The following SRA1 variants were observed in gnomAD, a reference collection of about 807,000 sequenced individuals.
The protein encoded by SRA1 is lncRNA SRA.
In SRA1, 25 loss-of-function variants were observed where a neutral mutation model predicts 24.3. That is an observed-to-expected ratio of 1.03 (90% CI 0.75 to 1.43). The LOEUF (loss-of-function observed/expected upper bound fraction) is 1.43. SRA1 is among the 40% of genes most tolerant of loss of function. SRA1 has a pLI of 0.00. For synonymous variants in SRA1, 104 were observed against 109.5 expected, an observed-to-expected ratio of 0.95 and a Z score of 0.31; for missense variants, 303 against 286.6, an observed-to-expected ratio of 1.06 and a Z score of -0.41.
chr5:140,551,444 CCTA>C (rs1754559225), intron 3 of SRA1: 1 of 367,748 alleles, frequency 2.7e-6, no homozygotes. Context: ...TAACCCACCT[CCTA>C]CTATGACTAG....
At chr5:140,551,480 C>G (rs1449756430) in intron 3 of SRA1, 1 of 297,014 alleles carries the variant, frequency 3.4e-6, no homozygotes, top group African/African-American at 2.1e-5. Context: ...TCAGGGGCTT[C>G]TCAGACTCTC....
At position 140,557,439 on chromosome 5, in the gene SRA1, T is replaced by C. The variant is rs370969013; in HGVS notation, c.14A>G (p.Tyr5Cys). Reference sequence around the variant, plus strand: ...CCGGCTGCGCTCACCCGGCTTCACGTACAGCTCCGCCATCTCCACTTCCGC... The same window carrying C: ...CCGGCTGCGCTCACCCGGCTTCACGCACAGCTCCGCCATCTCCACTTCCGC... MAELYVKPGNKERGW... is the reference protein window; with the variant it reads MAELCVKPGNKERGW... Residue 5 changes from tyrosine (Y) to cysteine (C), a missense_variant, in exon 1 of 5, where the codon TAC becomes TGC. Transcript: ENST00000336283. The C allele has an allele frequency of 7.7e-6, 12 of 1,565,760 alleles. No individual in the cohort carries two copies. The African/African-American group carries it at 1.5e-4, about 19-fold the overall frequency.
intron 2 of SRA1, among the ~76,000 whole-genome samples, chr5:140,556,233 G>C (rs1754690719): frequency 6.6e-6 from 1 of 152,066 alleles, no homozygotes; most frequent in Non-Finnish European, 1.5e-5. Flanking sequence ...CAGCAAAAAG[G>C]GTGTGGAGAA....
At chr5:140,551,868 C>T in intron 3 of SRA1, 114 bp downstream of exon 3, 1 of 908,778 alleles carries the variant, frequency 1.1e-6, no homozygotes, top group Non-Finnish European at 1.7e-6. Context: ...GAGTCCGTAA[C>T]TCTCAAAGGA....
intron 2 of SRA1, among the ~76,000 whole-genome samples, chr5:140,556,077 T>G (rs1186028965): frequency 1.3e-5 from 2 of 152,262 alleles, no homozygotes; most frequent in African/African-American, 4.8e-5. Flanking sequence ...CTATCACAAC[T>G]GGGTGGATGC....
At chr5:140,556,310 G>T (rs1420848493) in intron 2 of SRA1, among the ~76,000 whole-genome samples, 2 of 152,092 alleles carry the variant, frequency 1.3e-5, no homozygotes, top group African/African-American at 4.8e-5. Context: ...CCATTTAATG[G>T]CTTGGAAAAT....
Position 140,557,136 on chromosome 5 carries a change from G to C in SRA1, c.151+11C>G. 1 of 1,555,012 alleles carries C rather than the reference G, an allele frequency of 6.4e-7. No homozygotes were observed. The highest frequency in any genetic ancestry group is 1.8e-5 in the Admixed American group (1 of 56,010). On this transcript the variant is annotated intron_variant, in intron 2 of 4. Coordinates refer to ENST00000336283, the MANE Select transcript of SRA1 (RefSeq NM_001035235.4). ...TCTCCGTCTGTCTCCGAGCACAGGG[G>C]CCCCACGCACCTCTGGGGGATCCAT...
rs1754551887 is a variant in SRA1 at position 140,551,227 on chromosome 5, G to A, written c.355-58C>T. ...CTGCCAGCCCAATGAGGGGAGGAGA[G>A]GGGAAGACAGCACCACATAGGAAGC... On this transcript the variant is annotated intron_variant, in intron 3 of 4. Transcript: ENST00000336283. 5 of 1,359,530 alleles carry A rather than the reference G, an allele frequency of 3.7e-6. No homozygotes were observed. In the South Asian group the frequency reaches 4.7e-5, roughly 13 times the overall value. The allele number at this position is 1,359,530 out of a possible 1,614,324, so 84.2% of individuals were successfully genotyped here. A position where few individuals can be genotyped will look rare whatever the true frequency, so the allele number is the denominator to read the frequency against.
In SRA1 at chr5:140,550,371, T is replaced by C. The variant is rs972385206; in HGVS notation, c.*329A>G. On this transcript the variant is annotated 3_prime_UTR_variant, in exon 5 of 5. Coordinates refer to ENST00000336283, the MANE Select transcript of SRA1 (RefSeq NM_001035235.4). ...AAAAGTGGTAGGCAGTAGTCTGACT[T>C]TACCCAGCAGATCCCTTCCTGATGA... 1.7e-5 allele frequency: 6 copies of C among 360,866 alleles called. No homozygotes were observed. Among genetic ancestry groups the C allele is most frequent in the Non-Finnish European group, 3.1e-5 (6 of 193,306 alleles). The allele number at this position is 360,866 out of a possible 1,614,324, so 22.4% of individuals were successfully genotyped here.
chr5:140,557,126 G>A, intron 2 of SRA1, 21 bp downstream of exon 2: 1 of 1,500,426 alleles, frequency 6.7e-7, no homozygotes, highest in Non-Finnish European at 9.0e-7. Flanking sequence ...GTCTGTCTCC[G>A]AGCACAGGGG....
In SRA1 at chr5:140,552,011, C is replaced by A; in HGVS notation, c.325G>T (p.Ala109Ser). The A allele has an allele frequency of 1.2e-6, 2 of 1,612,628 alleles. No individual in the cohort carries two copies. The highest frequency in any genetic ancestry group is 1.7e-6 in the Non-Finnish European group (2 of 1,179,524). Residue 109 changes from alanine (A) to serine (S), a missense_variant, in exon 3 of 5, where the codon GCA becomes TCA. Transcript: ENST00000336283. Reference sequence around the variant, plus strand: ...GTGTGGCCACGGCAGTCTTCCAATGCCTGTTCCAAAGGTCTCAGCACATCC... The same window carrying A: ...GTGTGGCCACGGCAGTCTTCCAATGACTGTTCCAAAGGTCTCAGCACATCC... The part of the protein sequence containing the change: ...MEDVLRPLEQ[A>S]LEDCRGHTRK...
At chr5:140,553,703 T>C (rs1226876124) in intron 2 of SRA1, among the ~76,000 whole-genome samples, 1 of 152,144 alleles carries the variant, frequency 6.6e-6, no homozygotes, top group Non-Finnish European at 1.5e-5. Context: ...TGTGAAAAAC[T>C]GATGAAAACA....
chr5:140,551,306 G>A, intron 3 of SRA1, 137 bp from the exon 4 acceptor site: 1 of 627,896 alleles, frequency 1.6e-6, no homozygotes, highest in South Asian at 2.0e-5. Flanking sequence ...CCAAAGATTA[G>A]AGGCCCCACT....
chr5:140,553,496 T>C (rs1488268797), intron 2 of SRA1, among the ~76,000 whole-genome samples: 1 of 152,152 alleles, frequency 6.6e-6, no homozygotes, highest in African/African-American at 2.4e-5. Context: ...CAAGAGACAG[T>C]AATGAGGCCT....
intron 2 of SRA1, among the ~76,000 whole-genome samples, chr5:140,554,097 C>T (rs544489341): frequency 6.6e-6 from 1 of 152,134 alleles, no homozygotes; most frequent in Non-Finnish European, 1.5e-5. Flanking sequence ...CACACTATCA[C>T]CTCCAAAATC....
chr5:140,557,454 T>A lies in SRA1; in HGVS notation c.-2A>T. On this transcript the variant is annotated 5_prime_UTR_variant, in exon 1 of 5. Coordinates refer to ENST00000336283, the MANE Select transcript of SRA1 (RefSeq NM_001035235.4). ...CGGCTTCACGTACAGCTCCGCCATC[T>A]CCACTTCCGCTTGGCCAGCGGGGCA... 6.4e-7 allele frequency: 1 copy of A among 1,559,372 alleles called. No individual in the cohort carries two copies. The highest frequency in any genetic ancestry group is 8.7e-7 in the Non-Finnish European group (1 of 1,153,318).
chr5:140,556,671 C>CTT (rs35384293), intron 2 of SRA1, among the ~76,000 whole-genome samples: 3 of 146,566 alleles, frequency 2.0e-5, no homozygotes, highest in African/African-American at 2.5e-5. Context: ...AAGCAGAGAT[C>CTT]TTTTTTTTTT....
At chr5:140,556,609 C>T (rs1754703237) in intron 2 of SRA1, among the ~76,000 whole-genome samples, 1 of 152,124 alleles carries the variant, frequency 6.6e-6, no homozygotes, top group Admixed American at 6.5e-5. Context: ...AGCACCCTCA[C>T]CACTATTTCA....
At chr5:140,551,951 C>T (rs779779593) in intron 3 of SRA1, 31 bp downstream of exon 3, 3 of 1,599,172 alleles carry the variant, frequency 1.9e-6, no homozygotes, top group South Asian at 1.1e-5. Context: ...GGATGGGAGC[C>T]CTCTCTAACC....
Sources: allele counts gnomAD v4.1 joint callset (sites outside exome capture counted in the v4.1 genomes callset), GRCh38; gene constraint gnomAD v4.1.1; transcripts MANE v1.5; gene names NCBI Gene and HGNC (gene_info 2026-07-23, HGNC 2026-07-21).